Variants in ASIC2 observed in about 807,000 individuals in gnomAD.
ASIC2 encodes acid-sensing ion channel 2.
A neutral mutation model predicts 57.3 loss-of-function variants in ASIC2; 25 were observed. That is an observed-to-expected ratio of 0.44 (90% CI 0.32 to 0.61). The LOEUF is 0.61. ASIC2 is among the 20% of genes least tolerant of loss of function. The pLI is 0.06. For missense variants in ASIC2, 641 were observed against 738.1 expected (o/e 0.87, Z 1.52); for synonymous variants, 319 against 307.5 (o/e 1.04, Z -0.39).
chr17:33,813,316 G>A (rs1412784128), intron 1 of ASIC2, among the ~76,000 whole-genome samples: 1 of 152,250 alleles, frequency 6.6e-6, no homozygotes, highest in East Asian at 1.9e-4. Context: ...GAAAAGGACA[G>A]GGTGACATCA....
At chr17:33,607,413 C>T (rs940697740) in intron 1 of ASIC2, among the ~76,000 whole-genome samples, 24 of 152,110 alleles carry the variant, frequency 1.6e-4, no homozygotes, top group African/African-American at 5.8e-4. Flanking sequence ...CCCAGTGGCC[C>T]CCTCCCACAC....
At chr17:33,823,011 A>G (rs1290701331) in intron 1 of ASIC2, among the ~76,000 whole-genome samples, 1 of 152,182 alleles carries the variant, frequency 6.6e-6, no homozygotes, top group Non-Finnish European at 1.5e-5. Context: ...CTGCATGCAG[A>G]AGATATGCAG....
In ASIC2 at chr17:33,291,814, A is replaced by G; in HGVS notation, c.302T>C (p.Leu101Pro). ...LAFCTSFGLL[L>P]SWSSNRLLYW... ...GAGCAAGCGGTTCGAGGACCAGGAC[A>G]GCAGCAAGCCGAAGGATGTACAGAA... is the stretch of plus-strand genomic sequence containing the variant. Residue 101 changes from leucine to proline, a missense_variant, in exon 1 of 10, where the codon CTG becomes CCG. Transcript: ENST00000225823. 6.2e-7 allele frequency: 1 copy of G among 1,613,020 alleles called. No homozygotes were observed. Among genetic ancestry groups the G allele is most frequent in the Non-Finnish European group, 8.5e-7 (1 of 1,179,834 alleles).
intron 1 of ASIC2, among the ~76,000 whole-genome samples, chr17:33,900,833 G>A (rs1194870687): frequency 1.3e-5 from 2 of 152,176 alleles, no homozygotes; most frequent in African/African-American, 4.8e-5. Flanking sequence ...CTTCCATGCA[G>A]GAGGATGCAA....
intron 1 of ASIC2, among the ~76,000 whole-genome samples, chr17:33,180,057 A>G (rs1401862651): frequency 6.6e-6 from 1 of 152,224 alleles, no homozygotes; most frequent in Non-Finnish European, 1.5e-5. Context: ...CCACTTTAAG[A>G]AACCTAACCT....
intron 1 of ASIC2, among the ~76,000 whole-genome samples, chr17:33,282,708 C>T (rs1179020134): frequency 6.6e-6 from 1 of 152,150 alleles, no homozygotes; most frequent in Admixed American, 6.5e-5. Flanking sequence ...CTCCTGACCT[C>T]AAGTGATCTG....
intron 1 of ASIC2, among the ~76,000 whole-genome samples, chr17:33,844,159 A>C (rs1251208640): frequency 6.6e-6 from 1 of 152,208 alleles, no homozygotes; most frequent in Non-Finnish European, 1.5e-5. Flanking sequence ...TGCTGGTAAT[A>C]CAGGTTAATG....
At chr17:33,566,275 G>T (rs2141987841) in intron 1 of ASIC2, among the ~76,000 whole-genome samples, 1 of 152,266 alleles carries the variant, frequency 6.6e-6, no homozygotes, top group South Asian at 2.1e-4. Context: ...AAGATTCTTT[G>T]TGGTGGCCAT....
intron 1 of ASIC2, among the ~76,000 whole-genome samples, chr17:34,100,450 A>G (rs1910823361): frequency 6.6e-6 from 1 of 152,186 alleles, no homozygotes; most frequent in Non-Finnish European, 1.5e-5. Context: ...ATTCATTATT[A>G]AAACACATTG....
chr17:33,768,921 C>T (rs537464097), intron 1 of ASIC2, among the ~76,000 whole-genome samples: 5 of 152,146 alleles, frequency 3.3e-5, no homozygotes, highest in Non-Finnish European at 7.3e-5. Flanking sequence ...CTCCAGCTTC[C>T]CTCTCCTCTG....
intron 1 of ASIC2, among the ~76,000 whole-genome samples, chr17:33,725,270 G>A (rs953823533): frequency 2.0e-5 from 3 of 152,256 alleles, no homozygotes; most frequent in Non-Finnish European, 4.4e-5. Flanking sequence ...AATACGTGGA[G>A]GGAAGGGAAA....
chr17:33,905,676 G>C (rs1915332644), intron 1 of ASIC2, among the ~76,000 whole-genome samples: 1 of 152,214 alleles, frequency 6.6e-6, no homozygotes, highest in African/African-American at 2.4e-5. Context: ...CAGGAGAGAG[G>C]TAGTTGTCAC....
intron 1 of ASIC2, among the ~76,000 whole-genome samples, chr17:33,432,290 A>T (rs1004496910): frequency 1.3e-5 from 2 of 152,150 alleles, no homozygotes; most frequent in African/African-American, 4.8e-5. Flanking sequence ...CCCAGGTGGG[A>T]GGATTGCTTG....
At chr17:33,162,451 A>G (rs1308657855) in intron 1 of ASIC2, among the ~76,000 whole-genome samples, 2 of 152,140 alleles carry the variant, frequency 1.3e-5, no homozygotes, top group African/African-American at 4.8e-5. Context: ...ACAAGCAACA[A>G]ATATGGATGT....
intron 1 of ASIC2, among the ~76,000 whole-genome samples, chr17:33,327,287 A>G (rs187971806): frequency 6.0e-4 from 91 of 152,286 alleles, no homozygotes; most frequent in Non-Finnish European, 5.4e-4. Context: ...CCAGACTTGA[A>G]ATGTCTTCCT....
chr17:34,039,350 A>T, intron 1 of ASIC2: 1 of 1,613,940 alleles, frequency 6.2e-7, no homozygotes, highest in Non-Finnish European at 8.5e-7. Context: ...GCTGAAACAA[A>T]AGTGAAGCAG....
chr17:34,019,174 C>CT (rs747696446), intron 1 of ASIC2, among the ~76,000 whole-genome samples: 9 of 151,918 alleles, frequency 5.9e-5, no homozygotes, highest in East Asian at 5.8e-4. Flanking sequence ...TCTCAAAGTG[C>CT]GGGATTACAG....
chr17:34,145,487 G>A (rs1395123456), intron 1 of ASIC2, among the ~76,000 whole-genome samples: 1 of 152,134 alleles, frequency 6.6e-6, no homozygotes, highest in African/African-American at 2.4e-5. Context: ...CTGCAGCATT[G>A]CCAATAAGCA....
At chr17:33,644,015 C>T (rs1466474474) in intron 1 of ASIC2, among the ~76,000 whole-genome samples, 1 of 152,180 alleles carries the variant, frequency 6.6e-6, no homozygotes, top group East Asian at 1.9e-4. Flanking sequence ...AACAAACACT[C>T]CTATTCATGT....
Sources: allele counts gnomAD v4.1 joint callset (sites outside exome capture counted in the v4.1 genomes callset), GRCh38; gene constraint gnomAD v4.1.1; transcripts MANE v1.5; gene names NCBI Gene and HGNC (gene_info 2026-07-23, HGNC 2026-07-21).